Variants in AKIRIN2 observed in about 807,000 individuals in gnomAD.
AKIRIN2 encodes the protein akirin 2, also known as akirin-2.
Under a neutral mutation model 29.3 loss-of-function variants are expected in AKIRIN2, and 6 were observed. The ratio of observed to expected loss-of-function variants is 0.20; its 90% CI spans 0.11 to 0.40. The LOEUF is 0.40. Ranked by LOEUF, AKIRIN2 falls within the 10% of genes least tolerant of loss-of-function variation. AKIRIN2 has a pLI of 1.00. For synonymous variants in AKIRIN2, 128 were observed against 117.5 expected (o/e 1.09, Z -0.58); for missense variants, 210 against 276.1 (o/e 0.76, Z 1.70).
Position 87,675,835 on chromosome 6 carries a change from A to G in AKIRIN2, c.601+25T>C. The stretch of plus-strand genomic sequence containing the variant: ...TAAAAGACAGTCTTATTTTCAGTTT[A>G]TAACTTCAAAGGTGAAATACTTACA... On this transcript the variant is annotated intron_variant, in intron 4 of 4. Coordinates refer to ENST00000257787, the MANE Select transcript of AKIRIN2 (RefSeq NM_018064.4). The G allele has an allele frequency of 5.0e-6, 8 of 1,601,006 alleles. No homozygotes were observed. The South Asian group carries it at 5.6e-5, about 11-fold the overall frequency.
intron 1 of AKIRIN2, among the ~76,000 whole-genome samples, chr6:87,694,971 C>T (rs1456441933): frequency 6.6e-6 from 1 of 152,156 alleles, no homozygotes; most frequent in African/African-American, 2.4e-5. Context: ...GGATTCCCTG[C>T]TTAATATAGA....
intron 1 of AKIRIN2, among the ~76,000 whole-genome samples, chr6:87,694,801 C>G (rs931246362): frequency 6.6e-6 from 1 of 152,164 alleles, no homozygotes; most frequent in Admixed American, 6.5e-5. Flanking sequence ...CCAACAAAGC[C>G]TACCATCACA....
chr6:87,684,077 A>C (rs1771153830), intron 1 of AKIRIN2, among the ~76,000 whole-genome samples: 1 of 152,040 alleles, frequency 6.6e-6, no homozygotes, highest in Non-Finnish European at 1.5e-5. Context: ...AGAGATGTTA[A>C]GAGGTACTAG....
chr6:87,696,037 G>T (rs532744195), intron 1 of AKIRIN2, among the ~76,000 whole-genome samples: 1 of 152,056 alleles, frequency 6.6e-6, no homozygotes, highest in Admixed American at 6.6e-5. Flanking sequence ...AAAATTAGCT[G>T]GGCATGGTGG....
At chr6:87,690,158 A>G (rs1385349452) in intron 1 of AKIRIN2, among the ~76,000 whole-genome samples, 1 of 150,984 alleles carries the variant, frequency 6.6e-6, no homozygotes, top group African/African-American at 2.4e-5. Flanking sequence ...GTGAGCTGAG[A>G]TGACGCCATT....
chr6:87,695,755 TAAAGAGAAAAATCTCTTTTCAAATAGG>T (rs1771349926), intron 1 of AKIRIN2, among the ~76,000 whole-genome samples: 1 of 152,208 alleles, frequency 6.6e-6, no homozygotes, highest in Non-Finnish European at 1.5e-5. Context: ...TCTTCTTTTA[TAAAGAGAAAAATCTCTTTTCAAATAGG>T]AAAGATACTC....
At chr6:87,680,764 C>CT (rs1491547966) in intron 2 of AKIRIN2, among the ~76,000 whole-genome samples, 2 of 20,322 alleles carry the variant, frequency 9.8e-5, no homozygotes, top group East Asian at 2.9e-3. Context: ...TTATTCCCCG[C>CT]CCCCCCCCTT....
intron 1 of AKIRIN2, among the ~76,000 whole-genome samples, chr6:87,692,886 A>G (rs985220711): frequency 1.3e-5 from 2 of 152,272 alleles, no homozygotes; most frequent in East Asian, 1.9e-4. Flanking sequence ...AGTACTATGC[A>G]TAATTTATAC....
Position 87,702,124 on chromosome 6 carries a change from A to G in AKIRIN2, c.-440T>C, listed in dbSNP as rs566773197. The G allele has an allele frequency of 2.5e-6, 1 of 399,164 alleles. No homozygotes were observed. The highest frequency in any genetic ancestry group is 1.2e-4 in the South Asian group (1 of 8,136). 24.7% of individuals were successfully genotyped at this position (399,164 alleles called of 1,614,324 possible). ...AACGCGGCTCCTAATACGCCCGAGT[A>G]CGGTCAGTAGCTTGCGAGCGGCGAT... On this transcript the variant is annotated 5_prime_UTR_variant, in exon 1 of 5. Transcript: ENST00000257787.
Position 87,675,438 on chromosome 6 carries a change from A to C in AKIRIN2, c.*159T>G, listed in dbSNP as rs1582112374. ...TGGTACTGACATCAGGGAAATTTCC[A>C]AAACCAGTTGCTGCTGCCTAAGAGT... On this transcript the variant is annotated 3_prime_UTR_variant, in exon 5 of 5. Transcript: ENST00000257787. The C allele has an allele frequency of 2.0e-6, 2 of 1,006,660 alleles. No individual in the cohort carries two copies. Among genetic ancestry groups the C allele is most frequent in the Non-Finnish European group, 3.0e-6 (2 of 666,898 alleles). The allele number at this position is 1,006,660 out of a possible 1,614,324, so 62.4% of individuals were successfully genotyped here.
intron 1 of AKIRIN2, among the ~76,000 whole-genome samples, chr6:87,693,183 T>A (rs1771304106): frequency 6.6e-6 from 1 of 151,340 alleles, no homozygotes; most frequent in Non-Finnish European, 1.5e-5. Context: ...GAGCGGAGAC[T>A]GCGCCACTGC....
rs1041764886 is a variant in AKIRIN2, at chr6:87,701,915, G to A, written c.-231C>T. ...CCGGGTGAGAGCGGGAGGGGCGGTG[G>A]CGGGCAGAAGCACACGCCAGTCGCG... On this transcript the variant is annotated 5_prime_UTR_variant, in exon 1 of 5. Transcript: ENST00000257787. 1.2e-5 allele frequency: 5 copies of A among 412,666 alleles called. No homozygotes were observed. The highest frequency in any genetic ancestry group is 1.0e-4 in the African/African-American group (5 of 48,662). The allele number at this position is 412,666 out of a possible 1,614,324, so 25.6% of individuals were successfully genotyped here. A position where few individuals can be genotyped will look rare whatever the true frequency, so the allele number is the denominator to read the frequency against.
At chr6:87,698,904 T>C (rs974812100) in intron 1 of AKIRIN2, among the ~76,000 whole-genome samples, 3 of 152,154 alleles carry the variant, frequency 2.0e-5, no homozygotes, top group African/African-American at 7.2e-5. Context: ...AGCTATGCCA[T>C]CAGAAACTGA....
chr6:87,697,914 T>A (rs537863243), intron 1 of AKIRIN2, among the ~76,000 whole-genome samples: 1 of 152,338 alleles, frequency 6.6e-6, no homozygotes, highest in African/African-American at 2.4e-5. Context: ...CAGAAGGGTA[T>A]CTTCAGACCA....
chr6:87,680,213 T>C (rs1771094931), intron 2 of AKIRIN2, among the ~76,000 whole-genome samples: 1 of 152,086 alleles, frequency 6.6e-6, no homozygotes, highest in Non-Finnish European at 1.5e-5. Flanking sequence ...ACAATGGGCA[T>C]GGCAGTATTT....
chr6:87,696,654 T>C (rs924028001), intron 1 of AKIRIN2, among the ~76,000 whole-genome samples: 1 of 147,812 alleles, frequency 6.8e-6, no homozygotes, highest in Non-Finnish European at 1.5e-5. Context: ...TGAGCCGAGA[T>C]TGTGCCACTG....
At chr6:87,686,253 AG>A (rs1464850067) in intron 1 of AKIRIN2, among the ~76,000 whole-genome samples, 1 of 152,118 alleles carries the variant, frequency 6.6e-6, no homozygotes, top group Admixed American at 6.6e-5. Flanking sequence ...TGGAAAGAAA[AG>A]GCCTCTTTTT....
intron 1 of AKIRIN2, among the ~76,000 whole-genome samples, chr6:87,682,192 G>A (rs1771131395): frequency 6.6e-6 from 1 of 152,150 alleles, no homozygotes; most frequent in Non-Finnish European, 1.5e-5. Flanking sequence ...AAGGGGCTTG[G>A]GAGATTATGT....
At chr6:87,676,903 T>C (rs562744325) in intron 3 of AKIRIN2, among the ~76,000 whole-genome samples, 37 of 150,600 alleles carry the variant, frequency 2.5e-4, no homozygotes, top group South Asian at 2.3e-3. Context: ...GGTGAAACCC[T>C]GTCTCTACTA....
Sources: allele counts gnomAD v4.1 joint callset (sites outside exome capture counted in the v4.1 genomes callset), GRCh38; gene constraint gnomAD v4.1.1; transcripts MANE v1.5; gene names NCBI Gene and HGNC (gene_info 2026-07-23, HGNC 2026-07-21).